The following CAMSAP1 variants were observed in gnomAD, a reference collection of about 807,000 sequenced individuals.
CAMSAP1 encodes the protein calmodulin-regulated spectrin-associated protein 1.
A neutral mutation model predicts 143.5 loss-of-function variants in CAMSAP1; 58 were observed. The ratio of observed to expected loss-of-function variants is 0.40; its 90% CI spans 0.33 to 0.50. CAMSAP1 has a LOEUF of 0.50. CAMSAP1 is among the 20% of genes least tolerant of loss of function. The probability of loss-of-function intolerance (pLI) is 0.45; values close to 1 mark genes in which losing one functional copy is unlikely to be tolerated. For synonymous variants in CAMSAP1, 945 were observed against 859.3 expected (o/e 1.10, Z -1.74); for missense variants, 1,969 against 2,115.7 (o/e 0.93, Z 1.36).
chr9:135,903,175 C>T (rs1004943697), intron 1 of CAMSAP1, among the ~76,000 whole-genome samples: 7 of 152,186 alleles, frequency 4.6e-5, no homozygotes, highest in Admixed American at 2.0e-4. Context: ...GCGTGCTATG[C>T]GGTAAAATAA....
chr9:135,824,051 TTAGA>T lies in CAMSAP1; in HGVS notation c.1316-21_1316-18del, dbSNP rs1564423407. On this transcript the variant is annotated intron_variant, in intron 9 of 16. Coordinates refer to ENST00000389532, the MANE Select transcript of CAMSAP1 (RefSeq NM_015447.4). The surrounding 1 kb of genome is among the most constrained non-coding windows in gnomAD (Gnocchi z 4.1). Reference sequence around the variant, plus strand: ...GTCGCTGATCTGCAGTACAGAGGAATTAGATAGTGTTAAGTAACCAATTTTCTAT... The same window carrying T: ...GTCGCTGATCTGCAGTACAGAGGAATTAGTGTTAAGTAACCAATTTTCTAT... The T allele has an allele frequency of 6.4e-7, 1 of 1,559,306 alleles. No individual in the cohort carries two copies. The highest frequency in any genetic ancestry group is 8.7e-7 in the Non-Finnish European group (1 of 1,149,536).
At chr9:135,849,272 T>G (rs1365294735) in intron 7 of CAMSAP1, among the ~76,000 whole-genome samples, 1 of 152,226 alleles carries the variant, frequency 6.6e-6, no homozygotes, top group Non-Finnish European at 1.5e-5. Context: ...TGTAATTTAC[T>G]GAATGCTGTA....
intron 11 of CAMSAP1, 41 bp from the exon 12 acceptor site, chr9:135,819,187 T>C (rs1174327483): frequency 1.3e-6 from 2 of 1,572,272 alleles, no homozygotes; most frequent in South Asian, 1.2e-5. Context: ...AGGAACCCCC[T>C]CAGACGCCGG....
chr9:135,819,236 G>T, intron 11 of CAMSAP1, 90 bp from the exon 12 acceptor site: 1 of 1,445,890 alleles, frequency 6.9e-7, no homozygotes, highest in Non-Finnish European at 9.2e-7. Context: ...CTTCCACTAC[G>T]CTTTTAAAAG....
At chr9:135,878,226 G>A (rs1837817492) in intron 3 of CAMSAP1, among the ~76,000 whole-genome samples, 1 of 152,202 alleles carries the variant, frequency 6.6e-6, no homozygotes, top group Non-Finnish European at 1.5e-5. Flanking sequence ...AGAGGTGAAG[G>A]GAGGGAAAGT....
Position 135,882,859 on chromosome 9 carries a change from G to T in CAMSAP1, c.380C>A (p.Thr127Asn), listed in dbSNP as rs116745149. The change falls in exon 2 of 17, where the codon ACC (threonine) becomes AAC (asparagine). Residue 127 changes from threonine to asparagine, a missense_variant. Coordinates refer to ENST00000389532, the MANE Select transcript of CAMSAP1 (RefSeq NM_015447.4). This position sits in a 1 kb window ranked among gnomAD's most constrained non-coding sequence, Gnocchi z 4.9. Reference sequence around the variant, plus strand: ...ACTGAGGTCGGACTCTGTCACGGGGGTGTCATCACTCTCCATCACATAGAT... The same window carrying T: ...ACTGAGGTCGGACTCTGTCACGGGGTTGTCATCACTCTCCATCACATAGAT... ...KGIYVMESDD[T>N]PVTESDLSRA... is the part of the protein sequence containing the mutation. 1.3e-6 allele frequency: 2 copies of T among 1,551,462 alleles called. No homozygotes were observed. The highest frequency in any genetic ancestry group is 1.7e-6 in the Non-Finnish European group (2 of 1,146,984).
intron 1 of CAMSAP1, among the ~76,000 whole-genome samples, chr9:135,884,671 TG>T (rs1838068845): frequency 6.6e-6 from 1 of 152,142 alleles, no homozygotes; most frequent in Non-Finnish European, 1.5e-5. Flanking sequence ...CTGAAATCAT[TG>T]GAACTTTTGA....
intron 16 of CAMSAP1, among the ~76,000 whole-genome samples, chr9:135,813,749 C>G (rs1314789784): frequency 6.6e-6 from 1 of 152,240 alleles, no homozygotes; most frequent in East Asian, 1.9e-4. Flanking sequence ...GCCTGAACTG[C>G]TGGTCTGCAC....
At chr9:135,857,810 G>A (rs1406179312) in intron 5 of CAMSAP1, among the ~76,000 whole-genome samples, 2 of 152,204 alleles carry the variant, frequency 1.3e-5, no homozygotes, top group African/African-American at 2.4e-5. Flanking sequence ...GGGGCAGGGT[G>A]CACCAGGAGG....
Position 135,823,945 on chromosome 9 carries a change from C to G in CAMSAP1, c.1400+5G>C. On this transcript the variant is annotated splice_donor_5th_base_variant and intron_variant, in intron 10 of 16. Coordinates refer to ENST00000389532, the MANE Select transcript of CAMSAP1 (RefSeq NM_015447.4). ...AACAGAAACACTGCTGAAACACAGA[C>G]TCACCTGGTTTTTTTTTCTGGCCAG... The G allele has an allele frequency of 6.4e-7, 1 of 1,571,138 alleles. No homozygotes were observed. Among genetic ancestry groups the G allele is most frequent in the Non-Finnish European group, 8.6e-7 (1 of 1,156,812 alleles).
chr9:135,813,059 G>A (rs1045799436), intron 16 of CAMSAP1, among the ~76,000 whole-genome samples: 1 of 152,156 alleles, frequency 6.6e-6, no homozygotes, highest in African/African-American at 2.4e-5. Context: ...CAAGTGTTTT[G>A]GTAACTTTTA....
chr9:135,836,145 G>C (rs1836025299), intron 7 of CAMSAP1: 1 of 985,298 alleles, frequency 1.0e-6, no homozygotes, highest in Admixed American at 6.1e-5. Flanking sequence ...AAAGCACCCA[G>C]AGAAGCCCAT....
chr9:135,835,816 T>C (rs900311775), intron 7 of CAMSAP1, among the ~76,000 whole-genome samples: 9 of 152,060 alleles, frequency 5.9e-5, no homozygotes, highest in Non-Finnish European at 1.2e-4. Context: ...CCGTCTCTAC[T>C]AAAAAATGCA....
At chr9:135,840,256 G>A (rs969655085) in intron 7 of CAMSAP1, among the ~76,000 whole-genome samples, 2 of 152,192 alleles carry the variant, frequency 1.3e-5, no homozygotes, top group East Asian at 1.9e-4. Flanking sequence ...TATCAGACCA[G>A]AGACACTCCC....
At chr9:135,825,118 C>A (rs1339482652) in intron 8 of CAMSAP1, among the ~76,000 whole-genome samples, 1 of 152,182 alleles carries the variant, frequency 6.6e-6, no homozygotes, top group South Asian at 2.1e-4. Context: ...ACAACACAAC[C>A]AGCTTCCCAC....
chr9:135,846,475 G>A (rs977169909), intron 7 of CAMSAP1, among the ~76,000 whole-genome samples: 10 of 152,084 alleles, frequency 6.6e-5, no homozygotes, highest in Admixed American at 4.6e-4. Flanking sequence ...CATGGGCAAA[G>A]ACTTCAAGAC....
intron 3 of CAMSAP1, among the ~76,000 whole-genome samples, chr9:135,880,724 G>T (rs75925983): frequency 5.8e-4 from 89 of 152,264 alleles, no homozygotes; most frequent in Middle Eastern, 3.4e-3. Flanking sequence ...TTATTCAGGC[G>T]CGCTAATACA....
At chr9:135,854,429 AT>A (rs777079697) in intron 5 of CAMSAP1, among the ~76,000 whole-genome samples, 26 of 151,404 alleles carry the variant, frequency 1.7e-4, no homozygotes, top group Non-Finnish European at 3.5e-4. Context: ...GAACTTTGGA[AT>A]TTTTTCTACT....
rs1835033546 is a variant in CAMSAP1 at position 135,811,086 on chromosome 9, C to G, written c.*223G>C. The stretch of plus-strand genomic sequence containing the variant: ...CACTGCAAAAGCGGCATCTACTCCC[C>G]CATCCTCACCCTGCCTGGCATCCTC... On this transcript the variant is annotated 3_prime_UTR_variant, in exon 17 of 17. Transcript: ENST00000389532. This position sits in a 1 kb window ranked among gnomAD's most constrained non-coding sequence, Gnocchi z 4.9. 1 of 592,242 alleles carries G rather than the reference C, an allele frequency of 1.7e-6. No homozygotes were observed. The highest frequency in any genetic ancestry group is 1.9e-5 in the African/African-American group (1 of 53,676). 36.7% of individuals were successfully genotyped at this position (592,242 alleles called of 1,614,324 possible).
Sources: gnomAD v4.1 joint callset for allele counts (sites outside exome capture counted in the v4.1 genomes callset) on GRCh38, gnomAD v4.1.1 for gene constraint, Gnocchi (gnomAD v3.1) non-coding constraint, MANE v1.5 for transcripts, NCBI Gene and HGNC (gene_info 2026-07-23, HGNC 2026-07-21) for gene names.